Variants in ADSS1 observed in about 807,000 individuals in gnomAD.
ADSS1 encodes the protein adenylosuccinate synthetase isozyme 1.
A neutral mutation model predicts 59.1 loss-of-function variants in ADSS1; 57 were observed. That is an observed-to-expected ratio of 0.97 (90% CI 0.78 to 1.20). ADSS1 has a LOEUF of 1.20. ADSS1 is among the 50% of genes most tolerant of loss of function. The pLI is 0.00. For synonymous variants in ADSS1, 247 were observed against 249.4 expected, an observed-to-expected ratio of 0.99 and a Z score of 0.09; for missense variants, 603 against 610.3, an observed-to-expected ratio of 0.99 and a Z score of 0.13.
chr14:104,729,437 CCTGTGT>C (rs1890817686), intron 1 of ADSS1, among the ~76,000 whole-genome samples: 1 of 151,816 alleles, frequency 6.6e-6, no homozygotes, highest in Non-Finnish European at 1.5e-5. Flanking sequence ...AAGGACAAAG[CCTGTGT>C]GTGGAGACGC....
rs1890654781 is a variant in ADSS1, at chr14:104,724,287, C to G, written c.17C>G (p.Ala6Gly). 2 of 1,231,286 alleles carry G rather than the reference C, an allele frequency of 1.6e-6. No individual in the cohort carries two copies. The highest frequency in any genetic ancestry group is 2.0e-6 in the Non-Finnish European group (2 of 985,910). The allele number at this position is 1,231,286 out of a possible 1,614,324, so 76.3% of individuals were successfully genotyped here. MSGTR[A>G]SNDRPPGAGG... ...CAAGCCAGCATGTCGGGGACCCGAG[C>G]CTCCAACGACCGGCCCCCCGGCGCA... Residue 6 changes from alanine to glycine, a missense_variant, in exon 1 of 13, where the codon GCC becomes GGC. By Grantham distance (60) the Ala-to-Gly change is moderately conservative. Transcript: ENST00000330877.
intron 1 of ADSS1, 72 bp from the exon 2 acceptor site, chr14:104,734,948 A>G (rs913156937): frequency 6.7e-6 from 9 of 1,351,174 alleles, no homozygotes; most frequent in South Asian, 1.2e-5. Flanking sequence ...ACGAAGCCCC[A>G]TGTGGGTCAG....
At chr14:104,730,847 C>T (rs544670201) in intron 1 of ADSS1, among the ~76,000 whole-genome samples, 5 of 151,610 alleles carry the variant, frequency 3.3e-5, no homozygotes, top group African/African-American at 1.2e-4. Context: ...CCTGAGTGGG[C>T]CTTGTCCAGG....
chr14:104,735,178 A>C, intron 2 of ADSS1, 56 bp downstream of exon 2: 1 of 1,507,092 alleles, frequency 6.6e-7, no homozygotes, highest in Non-Finnish European at 9.1e-7. Context: ...CAGCCAGCCC[A>C]GGAGCCCCAC....
At chr14:104,741,372 A>G (rs558054502) in intron 8 of ADSS1, 129 bp downstream of exon 8, 1 of 1,246,098 alleles carries the variant, frequency 8.0e-7, no homozygotes, top group Admixed American at 2.8e-5. Context: ...AGTGCCATCC[A>G]TGCCCGCGGA....
At chr14:104,731,657 G>A (rs780730321) in intron 1 of ADSS1, among the ~76,000 whole-genome samples, 3 of 152,188 alleles carry the variant, frequency 2.0e-5, no homozygotes, top group East Asian at 1.9e-4. Flanking sequence ...CTGGACGTGG[G>A]GACCCTGGAG....
At chr14:104,724,848 C>T (rs1013834486) in intron 1 of ADSS1, among the ~76,000 whole-genome samples, 3 of 152,174 alleles carry the variant, frequency 2.0e-5, no homozygotes, top group Non-Finnish European at 4.4e-5. Context: ...CCAAGACACC[C>T]CCCTTCCTCA....
rs765047260 is a variant in ADSS1, at chr14:104,739,330, C to T, written c.361C>T (p.Leu121=). ...EEAEKNEKKG[L]KDWEKRLIIS... ...ACCTGTGTGCCGTGTCCCCGCAGGC[C>T]TGAAGGACTGGGAGAAGAGGCTCAT... Residue 121 remains leucine (L), a splice_region_variant and synonymous_variant, in exon 4 of 13, where the codon CTG becomes TTG. Transcript: ENST00000330877. 2 of 1,608,720 alleles carry T rather than the reference C, an allele frequency of 1.2e-6. No homozygotes were observed. Among genetic ancestry groups the T allele is most frequent in the East Asian group, 2.2e-5 (1 of 44,750 alleles).
chr14:104,739,833 ACT>A lies in ADSS1; in HGVS notation c.476+21_476+22del, dbSNP rs1423325464. The A allele has an allele frequency of 6.2e-7, 1 of 1,613,062 alleles. No homozygotes were observed. Among genetic ancestry groups the A allele is most frequent in the East Asian group, 2.2e-5 (1 of 44,858 alleles). On this transcript the variant is annotated intron_variant, in intron 5 of 12. Transcript: ENST00000330877. ...GGGGAAGAAGTAAGTCTGCCGGGACACTCTCACCCTCGGGGAGTCTTCTGGGC... is the reference window on the plus strand; with the variant it reads ...GGGGAAGAAGTAAGTCTGCCGGGACACTCACCCTCGGGGAGTCTTCTGGGC...
intron 4 of ADSS1, 108 bp from the exon 5 acceptor site, chr14:104,739,642 A>G: frequency 7.9e-7 from 1 of 1,272,690 alleles, no homozygotes; most frequent in Non-Finnish European, 1.1e-6. Context: ...AATCTCAACC[A>G]CCCCCTTCCC....
chr14:104,738,479 G>T, intron 3 of ADSS1, 41 bp downstream of exon 3: 1 of 1,604,986 alleles, frequency 6.2e-7, no homozygotes, highest in Non-Finnish European at 8.5e-7. Flanking sequence ...TCCCAGACGC[G>T]GTGCCCTGAG....
intron 1 of ADSS1, 30 bp downstream of exon 1, chr14:104,724,492 C>T: frequency 3.4e-6 from 4 of 1,183,138 alleles, no homozygotes; most frequent in Non-Finnish European, 4.2e-6. Context: ...GTCCCTCCCC[C>T]ACCGCCCAGC....
In ADSS1 at chr14:104,739,354, A is replaced by T. The variant is rs533921869; in HGVS notation, c.385A>T (p.Ile129Phe). 19 of 1,608,544 alleles carry T rather than the reference A, an allele frequency of 1.2e-5. No individual in the cohort carries two copies. The South Asian group carries it at 2.0e-4, about 17-fold the overall frequency. ...CCTGAAGGACTGGGAGAAGAGGCTCATCATCTCTGACAGAGCCCACCTTGG... is the reference window on the plus strand; with the variant it reads ...CCTGAAGGACTGGGAGAAGAGGCTCTTCATCTCTGACAGAGCCCACCTTGG... Reference protein sequence around the residue: ...KGLKDWEKRLIISDRAHLVFD... With the variant: ...KGLKDWEKRLFISDRAHLVFD... The change falls in exon 4 of 13, where the codon ATC becomes TTC. Residue 129 changes from isoleucine to phenylalanine, a missense_variant. Coordinates refer to ENST00000330877, the MANE Select transcript of ADSS1 (RefSeq NM_152328.5).
intron 2 of ADSS1, among the ~76,000 whole-genome samples, 176 bp downstream of exon 2, chr14:104,735,298 C>T (rs12885343): frequency 3.3e-5 from 5 of 152,146 alleles, no homozygotes; most frequent in African/African-American, 4.8e-5. Context: ...CTGCATAGCC[C>T]GGGCCTGGGC....
intron 1 of ADSS1, 24 bp downstream of exon 1, chr14:104,724,486 C>G (rs763171522): frequency 5.0e-5 from 62 of 1,232,784 alleles, no homozygotes; most frequent in Non-Finnish European, 6.1e-5. Flanking sequence ...CGCCGGGTCC[C>G]TCCCCCACCG....
At position 104,736,056 on chromosome 14, in the gene ADSS1, G is replaced by A. The variant is rs551672798; in HGVS notation, c.295+934G>A. On this transcript the variant is annotated intron_variant, in intron 2 of 12. Transcript: ENST00000330877. ...GGCCTGGACCCATTCAATGTGAGCA[G>A]AGGGAGGAAGATAGCGCGGAGGTGG... is the stretch of plus-strand genomic sequence containing the variant. Among the ~76,000 whole-genome samples the A allele has an allele frequency of 5.3e-5, 8 of 152,356 alleles. No homozygotes were observed. In the East Asian group the frequency reaches 1.5e-3, roughly 29 times the overall value.
chr14:104,728,051 G>A (rs1053867352), intron 1 of ADSS1, among the ~76,000 whole-genome samples: 1 of 152,226 alleles, frequency 6.6e-6, no homozygotes, highest in Non-Finnish European at 1.5e-5. Flanking sequence ...TGTATGCAGG[G>A]GTGTGAGATC....
In ADSS1 at chr14:104,739,813, A is replaced by C; in HGVS notation, c.473A>C (p.Lys158Thr). 1.2e-6 allele frequency: 2 copies of C among 1,613,846 alleles called. No individual in the cohort carries two copies. The highest frequency in any genetic ancestry group is 2.2e-5 in the South Asian group (2 of 91,072). ...GTGCAGCGCCAGGCACAAGAGGGGAAGAAGTAAGTCTGCCGGGACACTCTC... is the reference window on the plus strand; with the variant it reads ...GTGCAGCGCCAGGCACAAGAGGGGACGAAGTAAGTCTGCCGGGACACTCTC... Reference protein sequence around the residue: ...QEVQRQAQEGKNIGTTKKGIG... With the variant: ...QEVQRQAQEGTNIGTTKKGIG... The change falls in exon 5 of 13, where the codon AAG (lysine) becomes ACG (threonine). Residue 158 changes from lysine to threonine, a missense_variant. Physicochemically the swap from Lys to Thr is moderately conservative, Grantham distance 78. Coordinates refer to ENST00000330877, the MANE Select transcript of ADSS1 (RefSeq NM_152328.5).
At chr14:104,746,175 T>C (rs1891547353) in intron 11 of ADSS1, 61 bp from the exon 12 acceptor site, 4 of 1,540,708 alleles carry the variant, frequency 2.6e-6, no homozygotes, top group Admixed American at 1.9e-5. Context: ...TCACCAAATA[T>C]CCGCTTCCCT....
Sources: allele counts gnomAD v4.1 joint callset (sites outside exome capture counted in the v4.1 genomes callset), GRCh38; gene constraint gnomAD v4.1.1; transcripts MANE v1.5; gene names NCBI Gene and HGNC (gene_info 2026-07-23, HGNC 2026-07-21).